The following EIF3I variants were observed in gnomAD, a reference collection of about 807,000 sequenced individuals.
The protein encoded by EIF3I is TGF-beta receptor-interacting protein 1.
EIF3I carries 20 observed loss-of-function variants against 43.3 expected under a neutral mutation model. The ratio of observed to expected loss-of-function variants is 0.46; its 90% CI spans 0.32 to 0.67. The LOEUF (loss-of-function observed/expected upper bound fraction) is 0.67, where lower values mean the gene tolerates loss of function less well. Among genes scored for constraint, EIF3I ranks in the 30% least tolerant of loss-of-function variants. The pLI is 0.03. For synonymous variants in EIF3I, 167 were observed against 151.7 expected, an observed-to-expected ratio of 1.10 and a Z score of -0.74; for missense variants, 279 against 421.4, an observed-to-expected ratio of 0.66 and a Z score of 2.96.
chr1:32,229,534 C>T (rs1470196901), intron 9 of EIF3I, among the ~76,000 whole-genome samples: 7 of 150,728 alleles, frequency 4.6e-5, no homozygotes, highest in Non-Finnish European at 4.4e-5. Context: ...AGGCATGAGC[C>T]ACCGTGCCCA....
chr1:32,225,293 T>G (rs1639125951), intron 4 of EIF3I, among the ~76,000 whole-genome samples: 1 of 152,226 alleles, frequency 6.6e-6, no homozygotes, highest in Admixed American at 6.5e-5. Flanking sequence ...TTCTGTTTAG[T>G]GCCAGGTCTA....
chr1:32,225,107 T>G (rs1247214369), intron 4 of EIF3I, among the ~76,000 whole-genome samples: 3 of 152,086 alleles, frequency 2.0e-5, no homozygotes, highest in Non-Finnish European at 4.4e-5. Context: ...GTGCTGGGAT[T>G]ACAGGCATGA....
At chr1:32,228,372 G>T in intron 6 of EIF3I, 127 bp from the exon 7 acceptor site, 1 of 715,218 alleles carries the variant, frequency 1.4e-6, no homozygotes. Context: ...GTGACTGATA[G>T]GATAGAGGGG....
At chr1:32,228,088 G>C (rs1209615756) in intron 6 of EIF3I, among the ~76,000 whole-genome samples, 1 of 152,218 alleles carries the variant, frequency 6.6e-6, no homozygotes, top group Non-Finnish European at 1.5e-5. Flanking sequence ...GAACAGCAAA[G>C]GCAAAGGCAC....
At chr1:32,230,944 T>C (rs1457451406) in exon 11 of EIF3I, 1 of 1,593,120 alleles carries the variant, frequency 6.3e-7, no homozygotes, top group South Asian at 1.2e-5. Context: ...CATTTGGCCT[T>C]TGAAGAAGAG....
At chr1:32,230,166 C>T (rs1432713371) in intron 9 of EIF3I, among the ~76,000 whole-genome samples, 3 of 151,972 alleles carry the variant, frequency 2.0e-5, no homozygotes, top group Non-Finnish European at 4.4e-5. Context: ...GGATTACAGG[C>T]GTGAACCATG....
At chr1:32,234,524 A>C (rs1639276919), downstream of EIF3I, 2 of 152,864 alleles carry the variant, frequency 1.3e-5, no homozygotes, top group African/African-American at 4.8e-5. Flanking sequence ...CCCAGCTGCC[A>C]CACGCAGTCC....
At chr1:32,224,389 T>C (rs1219954302) in intron 3 of EIF3I, 21 bp from the exon 4 acceptor site, 1 of 1,610,640 alleles carries the variant, frequency 6.2e-7, no homozygotes, top group Non-Finnish European at 8.5e-7. Context: ...AACTTCGTCA[T>C]ATTTCTTAAC....
chr1:32,229,885 C>T (rs1272107910), intron 9 of EIF3I, among the ~76,000 whole-genome samples: 3 of 152,072 alleles, frequency 2.0e-5, no homozygotes, highest in African/African-American at 7.2e-5. Flanking sequence ...ATTTCCTCTA[C>T]TGTATAATGA....
chr1:32,232,448 T>C (rs956506259), downstream of EIF3I, among the ~76,000 whole-genome samples: 23 of 152,276 alleles, frequency 1.5e-4, no homozygotes, highest in African/African-American at 4.8e-4. Flanking sequence ...AGAAGGCTAA[T>C]TAAGAATGTG....
chr1:32,227,854 G>A (rs1639171001), intron 6 of EIF3I, among the ~76,000 whole-genome samples: 3 of 152,202 alleles, frequency 2.0e-5, no homozygotes, highest in African/African-American at 7.2e-5. Context: ...TGAGTATAAT[G>A]CTGAACTCCT....
chr1:32,226,639 T>C, intron 6 of EIF3I, 109 bp downstream of exon 6: 3 of 1,193,998 alleles, frequency 2.5e-6, no homozygotes, highest in Non-Finnish European at 2.2e-6. Flanking sequence ...CCATCTCGGC[T>C]CACTGCGACC....
Position 32,228,483 on chromosome 1 carries a change from C to T in EIF3I, c.529-16C>T. The T allele has an allele frequency of 6.2e-7, 1 of 1,610,666 alleles. No individual in the cohort carries two copies. The highest frequency in any genetic ancestry group is 8.5e-7 in the Non-Finnish European group (1 of 1,176,898). The stretch of plus-strand genomic sequence containing the variant: ...GGGATTGGGCCCATTCAGTGTCACT[C>T]TTCTTCCTTCCCTAGTCTGGAGAGG... On this transcript the variant is annotated splice_polypyrimidine_tract_variant and intron_variant, in intron 6 of 11. Transcript: ENST00000676679.
downstream of EIF3I, chr1:32,235,334 G>GT (rs371167862): frequency 0.014 from 2,030 of 144,272 alleles, 18 homozygotes; most frequent in African/African-American, 0.029. Context: ...CCATGAAATG[G>GT]TTTTTTTTTT....
At chr1:32,228,570 G>T in exon 7 of EIF3I, 2 of 1,614,148 alleles carry the variant, frequency 1.2e-6, no homozygotes, top group South Asian at 2.2e-5. Flanking sequence ...CCAGGGACAT[G>T]ACCATGTTTG....
At chr1:32,234,759 C>G (rs1639278569), downstream of EIF3I, 1 of 152,294 alleles carries the variant, frequency 6.6e-6, no homozygotes, top group Non-Finnish European at 1.5e-5. Flanking sequence ...TGGTCTTGCT[C>G]AAGGGGTCCA....
intron 4 of EIF3I, among the ~76,000 whole-genome samples, chr1:32,224,883 G>T (rs1486777315): frequency 6.6e-6 from 1 of 151,954 alleles, no homozygotes; most frequent in African/African-American, 2.4e-5. Context: ...ACCCAGGCTG[G>T]AGTGCAGTGG....
At chr1:32,232,460 TG>T (rs1251359856), downstream of EIF3I, among the ~76,000 whole-genome samples, 1 of 152,162 alleles carries the variant, frequency 6.6e-6, no homozygotes, top group Non-Finnish European at 1.5e-5. Flanking sequence ...AAGAATGTGA[TG>T]TTTGAGCTGA....
chr1:32,234,722 A>C (rs1639278395), downstream of EIF3I: 1 of 152,006 alleles, frequency 6.6e-6, no homozygotes, highest in Non-Finnish European at 1.5e-5. Context: ...ATCCACTTCC[A>C]CTCCACCAGT....
Sources: gnomAD v4.1 joint callset for allele counts (sites outside exome capture counted in the v4.1 genomes callset) on GRCh38, gnomAD v4.1.1 for gene constraint, MANE v1.5 for transcripts, NCBI Gene and HGNC (gene_info 2026-07-23, HGNC 2026-07-21) for gene names.